Variants in WNT7B observed in about 807,000 individuals in gnomAD.
WNT7B encodes the protein protein Wnt-7b.
In WNT7B, 19 loss-of-function variants were observed where a neutral mutation model predicts 38.2. The observed-to-expected ratio is 0.50, with a 90% CI of 0.35 to 0.73. The LOEUF (loss-of-function observed/expected upper bound fraction) is 0.73. WNT7B is among the 30% of genes least tolerant of loss of function. The probability of loss-of-function intolerance (pLI) is 0.01; values close to 1 mark genes in which losing one functional copy is unlikely to be tolerated. For missense variants in WNT7B, 423 were observed against 507.9 expected (o/e 0.83, Z 1.61); for synonymous variants, 243 against 209.3 (o/e 1.16, Z -1.39).
intron 1 of WNT7B, among the ~76,000 whole-genome samples, chr22:45,952,680 G>A (rs2146735355): frequency 6.6e-6 from 1 of 152,360 alleles, no homozygotes; most frequent in East Asian, 1.9e-4. Flanking sequence ...TGCGGTAGGT[G>A]CCCTTGCTGG....
At chr22:45,971,568 C>T (rs118180703) in intron 1 of WNT7B, among the ~76,000 whole-genome samples, 2,964 of 152,316 alleles carry the variant, frequency 0.019, 63 homozygotes, top group South Asian at 0.055. Context: ...AATGCGCGTC[C>T]TCCTCGCCCC....
At chr22:45,938,762 A>G (rs1931572908) in intron 2 of WNT7B, among the ~76,000 whole-genome samples, 1 of 152,168 alleles carries the variant, frequency 6.6e-6, no homozygotes, top group Non-Finnish European at 1.5e-5. Context: ...CAGAAGAGAG[A>G]ACTGGAAATG....
chr22:45,945,285 G>C (rs142335923), intron 2 of WNT7B, among the ~76,000 whole-genome samples: 1 of 152,104 alleles, frequency 6.6e-6, no homozygotes, highest in African/African-American at 2.4e-5. Flanking sequence ...GCTTCACCAC[G>C]TTAGGCTGGT....
At chr22:45,956,660 G>A (rs975527064) in intron 1 of WNT7B, among the ~76,000 whole-genome samples, 1 of 152,236 alleles carries the variant, frequency 6.6e-6, no homozygotes, top group Admixed American at 6.5e-5. Context: ...CCAGGCGTCT[G>A]TCAACAGGAG....
At position 45,971,456 on chromosome 22, in the gene WNT7B, C is replaced by T. The variant is rs546770582; in HGVS notation, c.71+5228G>A. On this transcript the variant is annotated intron_variant, in intron 1 of 3. Transcript: ENST00000339464. ...GGACTCGGCCCTGCCCGGAGCTTCT[C>T]AGAGCCCCGTGGGCTCTGCCTTGCC... 1.9e-3 allele frequency among the ~76,000 whole-genome samples: 293 copies of T among 152,352 alleles called. 2 individuals are homozygous for T. Among genetic ancestry groups the T allele is most frequent in the African/African-American group, 6.2e-3 (256 of 41,592 alleles).
intron 3 of WNT7B, among the ~76,000 whole-genome samples, chr22:45,930,083 T>C (rs1569111773): frequency 6.6e-6 from 1 of 150,734 alleles, no homozygotes. Flanking sequence ...CCCTACTTGC[T>C]TCCCAAGCCC....
In WNT7B at chr22:45,976,795, G is replaced by T. The variant is rs1389838451; in HGVS notation, c.-41C>A. The T allele has an allele frequency of 6.4e-7, 1 of 1,569,864 alleles. No individual in the cohort carries two copies. The highest frequency in any genetic ancestry group is 1.1e-5 in the South Asian group (1 of 88,676). On this transcript the variant is annotated 5_prime_UTR_variant, in exon 1 of 4. Coordinates refer to ENST00000339464, the MANE Select transcript of WNT7B (RefSeq NM_058238.3). The surrounding 1 kb of genome is among the most constrained non-coding windows in gnomAD (Gnocchi z 8.5). Reference sequence around the variant, plus strand: ...GCTGCGCCATAGACAGCGGCGGCCGGAGGGGACGCGCGGGCCCGGCAGGGC... The same window carrying T: ...GCTGCGCCATAGACAGCGGCGGCCGTAGGGGACGCGCGGGCCCGGCAGGGC...
intron 2 of WNT7B, among the ~76,000 whole-genome samples, chr22:45,949,322 C>G (rs1039357930): frequency 6.7e-6 from 1 of 148,648 alleles, no homozygotes; most frequent in Non-Finnish European, 1.5e-5. Context: ...CAAACCACTC[C>G]CCACACCCGC....
chr22:45,952,330 G>T (rs1931952792), intron 1 of WNT7B, among the ~76,000 whole-genome samples: 1 of 152,238 alleles, frequency 6.6e-6, no homozygotes, highest in Admixed American at 6.5e-5. Context: ...CAGCCGGGCT[G>T]CCAGGGTGAC....
chr22:45,972,216 T>C, intron 1 of WNT7B: 1 of 645,586 alleles, frequency 1.5e-6, no homozygotes, highest in Non-Finnish European at 2.8e-6. Flanking sequence ...ACGAGCGCGC[T>C]GCGCGGCGAC....
At chr22:45,954,551 A>C in intron 1 of WNT7B, 1 of 984,224 alleles carries the variant, frequency 1.0e-6, no homozygotes, top group African/African-American at 1.7e-5. Context: ...TTGCACGCTT[A>C]TCCGGGGTAT....
chr22:45,929,631 T>C (rs112615505), intron 3 of WNT7B, among the ~76,000 whole-genome samples: 22 of 111,094 alleles, frequency 2.0e-4, no homozygotes, highest in Admixed American at 1.0e-3. Context: ...CATCCTTCCA[T>C]CCATGCATCC....
intron 2 of WNT7B, 106 bp downstream of exon 2, chr22:45,949,814 A>C: frequency 8.9e-7 from 1 of 1,129,768 alleles, no homozygotes; most frequent in Non-Finnish European, 1.2e-6. Flanking sequence ...TTGGCCCCCC[A>C]GGAGATGTGT....
At chr22:45,956,331 C>T (rs1181217810) in intron 1 of WNT7B, among the ~76,000 whole-genome samples, 1 of 152,220 alleles carries the variant, frequency 6.6e-6, no homozygotes, top group Non-Finnish European at 1.5e-5. Flanking sequence ...AGTGACAGCC[C>T]TCATTATTAA....
chr22:45,937,473 C>A (rs556951029), intron 2 of WNT7B, among the ~76,000 whole-genome samples: 1 of 152,350 alleles, frequency 6.6e-6, no homozygotes, highest in African/African-American at 2.4e-5. Context: ...TGGGGGCAGG[C>A]TGACCTGAGC....
intron 1 of WNT7B, among the ~76,000 whole-genome samples, chr22:45,958,025 C>T (rs1230021230): frequency 6.6e-6 from 1 of 152,240 alleles, no homozygotes; most frequent in African/African-American, 2.4e-5. Context: ...CAGGAGACCT[C>T]AGGGAGTTGT....
At chr22:45,949,845 G>T in intron 2 of WNT7B, 75 bp downstream of exon 2, 1 of 1,425,732 alleles carries the variant, frequency 7.0e-7, no homozygotes, top group Non-Finnish European at 9.6e-7. Flanking sequence ...GGCCTAGGCT[G>T]GCCTTCAGTG....
At chr22:45,974,827 G>C (rs919494918) in intron 1 of WNT7B, among the ~76,000 whole-genome samples, 7 of 152,152 alleles carry the variant, frequency 4.6e-5, no homozygotes, top group Non-Finnish European at 1.5e-5. Context: ...ATCCTGTTCA[G>C]GATGGCCAGA....
rs1930974273 is a variant in WNT7B, at chr22:45,923,031, C to T, written c.875G>A (p.Arg292His). 1.2e-6 allele frequency: 2 copies of T among 1,612,668 alleles called. No homozygotes were observed. Among genetic ancestry groups the T allele is most frequent in the Non-Finnish European group, 8.5e-7 (1 of 1,179,556 alleles). ...GCCGGGCGACGTGCGGTTGCAGAGA[C>T]GGCCCTGCGTGCCCACGCTGCCCGT... ...AATGSVGTQG[R>H]LCNRTSPGAD... Residue 292 changes from arginine (R) to histidine (H), a missense_variant, in exon 4 of 4, where the codon CGT (arginine) becomes CAT (histidine). By Grantham distance (29) the Arg-to-His change is conservative. Transcript: ENST00000339464.
Sources: gnomAD v4.1 joint callset for allele counts (sites outside exome capture counted in the v4.1 genomes callset) on GRCh38, gnomAD v4.1.1 for gene constraint, Gnocchi (gnomAD v3.1) non-coding constraint, MANE v1.5 for transcripts, NCBI Gene and HGNC (gene_info 2026-07-23, HGNC 2026-07-21) for gene names.